AKAP6: variants seen among roughly 807,000 people sequenced by gnomAD.
The protein encoded by AKAP6 is A-kinase anchoring protein 6, also known as A-kinase anchor protein 6.
A neutral mutation model predicts 188.5 loss-of-function variants in AKAP6; 58 were observed. The ratio of observed to expected loss-of-function variants is 0.31; its 90% CI spans 0.25 to 0.38. The LOEUF (loss-of-function observed/expected upper bound fraction) is 0.38, where lower values mean the gene tolerates loss of function less well. AKAP6 is among the 10% of genes least tolerant of loss of function. The pLI, the probability that AKAP6 is intolerant of heterozygous loss-of-function variation, is 1.00. For missense variants in AKAP6, 2,710 were observed against 2,740.0 expected (o/e 0.99, Z 0.24); for synonymous variants, 989 against 998.6 (o/e 0.99, Z 0.18).
At chr14:32,594,076 C>T (rs540017827) in intron 5 of AKAP6, among the ~76,000 whole-genome samples, 1 of 152,286 alleles carries the variant, frequency 6.6e-6, no homozygotes, top group South Asian at 2.1e-4. Flanking sequence ...CATTGCCTGG[C>T]ACTGCTTTAA....
intron 7 of AKAP6, among the ~76,000 whole-genome samples, chr14:32,605,525 A>G (rs1367280900): frequency 6.6e-6 from 1 of 152,194 alleles, no homozygotes; most frequent in Non-Finnish European, 1.5e-5. Context: ...CTATGTCTCT[A>G]TTAATATAAT....
intron 2 of AKAP6, among the ~76,000 whole-genome samples, chr14:32,504,526 C>T (rs546998046): frequency 2.6e-5 from 4 of 152,270 alleles, no homozygotes; most frequent in Non-Finnish European, 5.9e-5. Flanking sequence ...GTAATCTCCC[C>T]ACCTCGGCCT....
At position 32,773,744 on chromosome 14, in the gene AKAP6, C is replaced by A. The variant is rs768717011; in HGVS notation, c.3439C>A (p.Leu1147Ile). 1.2e-6 allele frequency: 2 copies of A among 1,614,170 alleles called. No individual in the cohort carries two copies. Among genetic ancestry groups the A allele is most frequent in the Admixed American group, 3.3e-5 (2 of 60,016 alleles). ...VASILRLCQH[L>I]LDDRETCNLN... The stretch of plus-strand genomic sequence containing the variant: ...CTCCATTCTGCGACTATGCCAGCAT[C>A]TTTTGGATGACCGGGAGACTTGCAA... Residue 1147 changes from leucine (L) to isoleucine (I), a missense_variant, in exon 12 of 14, where the codon CTT (leucine) becomes ATT (isoleucine). Leu to Ile is a conservative substitution (Grantham distance 5). Transcript: ENST00000280979.
chr14:32,368,598 C>A (rs1887910099), intron 1 of AKAP6, among the ~76,000 whole-genome samples: 3 of 151,954 alleles, frequency 2.0e-5, no homozygotes, highest in Non-Finnish European at 4.4e-5. Context: ...GAACAGGTAC[C>A]AACATACGCA....
Position 32,557,487 on chromosome 14 carries a change from C to A in AKAP6, c.2346+10488C>A, listed in dbSNP as rs75184750. 6.6e-5 allele frequency among the ~76,000 whole-genome samples: 10 copies of A among 152,306 alleles called. No individual in the cohort carries two copies. In the East Asian group the frequency reaches 1.9e-3, roughly 29 times the overall value. On this transcript the variant is annotated intron_variant, in intron 4 of 13. Transcript: ENST00000280979. ...AGTCCCATTTGAAACACAGCTGTAT[C>A]CTTTTTTATTCACCCACAGAGTAAC...
At chr14:32,740,812 A>T (rs924251583) in intron 11 of AKAP6, among the ~76,000 whole-genome samples, 1 of 151,420 alleles carries the variant, frequency 6.6e-6, no homozygotes, top group African/African-American at 2.4e-5. Context: ...ATACAGTTTT[A>T]TTCTTTTTCC....
intron 8 of AKAP6, among the ~76,000 whole-genome samples, chr14:32,690,120 C>CACACAT (rs57419513): frequency 2.0e-5 from 3 of 148,874 alleles, no homozygotes; most frequent in African/African-American, 7.5e-5. Context: ...CACACACACA[C>CACACAT]GATTACTCAG....
At chr14:32,641,756 A>G (rs968071105) in intron 7 of AKAP6, among the ~76,000 whole-genome samples, 2 of 152,136 alleles carry the variant, frequency 1.3e-5, no homozygotes, top group Admixed American at 6.6e-5. Context: ...AAAATGGTGT[A>G]ATTTTTAGGT....
intron 7 of AKAP6, among the ~76,000 whole-genome samples, chr14:32,603,694 T>C (rs1886022789): frequency 6.6e-6 from 1 of 152,204 alleles, no homozygotes; most frequent in African/African-American, 2.4e-5. Flanking sequence ...TTGTTACTTA[T>C]AATAGCAAAC....
At chr14:32,409,503 T>C (rs980128428) in intron 1 of AKAP6, among the ~76,000 whole-genome samples, 2 of 152,170 alleles carry the variant, frequency 1.3e-5, no homozygotes, top group African/African-American at 4.8e-5. Context: ...ACCATCTTCT[T>C]CAAAAAACAG....
At chr14:32,688,962 T>G in intron 8 of AKAP6, among the ~76,000 whole-genome samples, 1 of 152,150 alleles carries the variant, frequency 6.6e-6, no homozygotes, top group East Asian at 1.9e-4. Context: ...TAGAATAGGG[T>G]AATCCTTTTA....
chr14:32,420,239 A>C (rs1295456431), intron 1 of AKAP6, among the ~76,000 whole-genome samples: 1 of 152,090 alleles, frequency 6.6e-6, no homozygotes, highest in African/African-American at 2.4e-5. Flanking sequence ...AAACAATAGG[A>C]TGGTATGGCT....
At chr14:32,343,263 G>A (rs956908913) in intron 1 of AKAP6, among the ~76,000 whole-genome samples, 1 of 124,506 alleles carries the variant, frequency 8.0e-6, no homozygotes, top group Non-Finnish European at 1.7e-5. Flanking sequence ...GAAACAACGT[G>A]TGTAAAGCAC....
At chr14:32,564,457 G>A (rs747619643) in intron 4 of AKAP6, among the ~76,000 whole-genome samples, 22 of 152,174 alleles carry the variant, frequency 1.4e-4, no homozygotes, top group Non-Finnish European at 2.9e-5. Flanking sequence ...CTAAATATAC[G>A]AAGATTGAGA....
chr14:32,530,270 T>A (rs1391422972), intron 2 of AKAP6, among the ~76,000 whole-genome samples: 2 of 152,262 alleles, frequency 1.3e-5, no homozygotes, highest in East Asian at 3.9e-4. Context: ...CAAGCAATTC[T>A]CCTGCCTCAG....
chr14:32,599,292 T>C (rs367943802), intron 5 of AKAP6, 118 bp from the exon 6 acceptor site: 2 of 732,530 alleles, frequency 2.7e-6, no homozygotes, highest in East Asian at 5.3e-5. Context: ...GCAAATTAGT[T>C]TGTCTATTGG....
intron 13 of AKAP6, among the ~76,000 whole-genome samples, chr14:32,828,406 T>C (rs929270794): frequency 1.3e-5 from 2 of 152,142 alleles, no homozygotes; most frequent in Non-Finnish European, 2.9e-5. Context: ...AAACCAATGT[T>C]TTGCTGGATG....
chr14:32,732,754 C>A, intron 10 of AKAP6, 154 bp downstream of exon 10: 1 of 843,370 alleles, frequency 1.2e-6, no homozygotes, highest in Non-Finnish European at 1.8e-6. Context: ...ATGGGAAAGA[C>A]ACTGCTTTTC....
chr14:32,555,718 TG>T (rs1314672200), intron 4 of AKAP6, among the ~76,000 whole-genome samples: 1 of 152,216 alleles, frequency 6.6e-6, no homozygotes, highest in East Asian at 1.9e-4. Flanking sequence ...GTGACTGGCT[TG>T]TTTGACTTAG....
Sources: gnomAD v4.1 joint callset for allele counts (sites outside exome capture counted in the v4.1 genomes callset) on GRCh38, gnomAD v4.1.1 for gene constraint, MANE v1.5 for transcripts, NCBI Gene and HGNC (gene_info 2026-07-23, HGNC 2026-07-21) for gene names.